KLF7: variants seen among roughly 807,000 people sequenced by gnomAD.
KLF7 encodes Krueppel-like factor 7.
Under a neutral mutation model 27.3 loss-of-function variants are expected in KLF7, and 2 were observed. The ratio of observed to expected loss-of-function variants is 0.07; its 90% confidence interval spans 0.03 to 0.23. The LOEUF is 0.23. Ranked by LOEUF, KLF7 falls within the 10% of genes least tolerant of loss-of-function variation. The pLI, the probability that KLF7 is intolerant of heterozygous loss-of-function variation, is 1.00. For missense variants in KLF7, 221 were observed against 394.1 expected (o/e 0.56, Z 3.72); for synonymous variants, 165 against 162.4 (o/e 1.02, Z -0.12).
At chr2:207,126,425 C>T (rs2077477773) in intron 1 of KLF7, among the ~76,000 whole-genome samples, 1 of 152,214 alleles carries the variant, frequency 6.6e-6, no homozygotes, top group Admixed American at 6.5e-5. Context: ...TTTGATCATT[C>T]TACCTCTTCT....
chr2:207,161,369 T>C (rs1489691038), intron 1 of KLF7, among the ~76,000 whole-genome samples: 2 of 152,212 alleles, frequency 1.3e-5, no homozygotes, highest in Non-Finnish European at 2.9e-5. Flanking sequence ...AAACAGTTAT[T>C]TTATCCTTTC....
At chr2:207,164,443 C>T (rs1344578540) in intron 1 of KLF7, among the ~76,000 whole-genome samples, 2 of 151,790 alleles carry the variant, frequency 1.3e-5, no homozygotes, top group African/African-American at 2.4e-5. Context: ...TTTAAATACC[C>T]GTGTCCCCCC....
chr2:207,158,816 T>C (rs2078460638), intron 1 of KLF7, among the ~76,000 whole-genome samples: 1 of 152,168 alleles, frequency 6.6e-6, no homozygotes, highest in African/African-American at 2.4e-5. Context: ...AAAAGGGAAT[T>C]TTCTTGCCTC....
intron 2 of KLF7, among the ~76,000 whole-genome samples, chr2:207,095,966 T>G (rs1193942940): frequency 1.3e-5 from 2 of 152,184 alleles, no homozygotes; most frequent in African/African-American, 4.8e-5. Flanking sequence ...ACATATGTGG[T>G]TTGCATATAT....
At chr2:207,163,343 C>T (rs2078603471) in intron 1 of KLF7, among the ~76,000 whole-genome samples, 1 of 151,948 alleles carries the variant, frequency 6.6e-6, no homozygotes, top group Admixed American at 6.6e-5. Context: ...GAGGGGGTTC[C>T]GAGGGGTGAA....
At chr2:207,092,072 T>C (rs916558124) in intron 2 of KLF7, among the ~76,000 whole-genome samples, 2 of 152,224 alleles carry the variant, frequency 1.3e-5, no homozygotes, top group African/African-American at 4.8e-5. Context: ...CTCTCCCTTC[T>C]TTCACTTTCC....
chr2:207,082,814 CTA>C (rs1210397607), intron 3 of KLF7, among the ~76,000 whole-genome samples: 1 of 152,186 alleles, frequency 6.6e-6, no homozygotes, highest in Non-Finnish European at 1.5e-5. Context: ...CAGGATTTCC[CTA>C]TGTTTGTTCA....
chr2:207,167,856 A>C (rs1462548584), upstream of KLF7, among the ~76,000 whole-genome samples: 4 of 152,246 alleles, frequency 2.6e-5, no homozygotes. Flanking sequence ...CACCTAGCAT[A>C]GTATCTGACA....
chr2:207,165,180 A>G (rs1426731154), intron 1 of KLF7, among the ~76,000 whole-genome samples: 3 of 151,996 alleles, frequency 2.0e-5, no homozygotes, highest in African/African-American at 7.3e-5. Flanking sequence ...CAGGTCTCTG[A>G]TAGGGGACAG....
chr2:207,160,764 G>A (rs1368572388), intron 1 of KLF7, among the ~76,000 whole-genome samples: 2 of 152,194 alleles, frequency 1.3e-5, no homozygotes, highest in Admixed American at 6.5e-5. Flanking sequence ...TTTAAGTAGA[G>A]AGGCAAATTA....
In KLF7 at chr2:207,156,494, A is replaced by T. The variant is rs75436125; in HGVS notation, c.102+8973T>A. Among the ~76,000 whole-genome samples the T allele has an allele frequency of 3.8e-3, 585 of 152,340 alleles. 4 individuals carry two copies. Among genetic ancestry groups the T allele is most frequent in the African/African-American group, 0.014 (569 of 41,572 alleles). On this transcript the variant is annotated intron_variant, in intron 1 of 3. Coordinates refer to ENST00000309446, the MANE Select transcript of KLF7 (RefSeq NM_003709.4). ...CCAACAGATGTACATGCATGCATCC[A>T]GCCCTTTCAAACCATGGAGCAGGCT...
chr2:207,096,409 C>T (rs745871181), intron 2 of KLF7, among the ~76,000 whole-genome samples: 4 of 152,176 alleles, frequency 2.6e-5, no homozygotes, highest in Admixed American at 6.5e-5. Context: ...ATGCAGATTC[C>T]GAGTTCCCAT....
At chr2:207,130,454 C>T (rs1039864513) in intron 1 of KLF7, among the ~76,000 whole-genome samples, 1 of 152,208 alleles carries the variant, frequency 6.6e-6, no homozygotes, top group African/African-American at 2.4e-5. Context: ...TTATACCATA[C>T]GTTCCTAAAC....
chr2:207,093,140 T>C (rs768500799), intron 2 of KLF7, among the ~76,000 whole-genome samples: 1 of 152,204 alleles, frequency 6.6e-6, no homozygotes, highest in Admixed American at 6.5e-5. Flanking sequence ...ATGGTCTCTT[T>C]GACATCCACT....
upstream of KLF7, among the ~76,000 whole-genome samples, chr2:207,168,296 C>T (rs2078758458): frequency 6.6e-6 from 1 of 152,150 alleles, no homozygotes; most frequent in Non-Finnish European, 1.5e-5. Context: ...AATAATAGTT[C>T]CCATTTATTA....
intron 2 of KLF7, among the ~76,000 whole-genome samples, chr2:207,094,769 T>A (rs562434727): frequency 1.3e-5 from 2 of 151,768 alleles, no homozygotes; most frequent in South Asian, 4.2e-4. Flanking sequence ...TCAGAGCCCC[T>A]CTTAGATTCC....
chr2:207,126,359 G>A (rs755428637), intron 1 of KLF7, among the ~76,000 whole-genome samples: 13 of 152,076 alleles, frequency 8.5e-5, no homozygotes, highest in Non-Finnish European at 1.8e-4. Context: ...CACAGTGCCT[G>A]GCACCTAACA....
At chr2:207,096,738 T>C (rs1392787909) in intron 2 of KLF7, among the ~76,000 whole-genome samples, 3 of 152,184 alleles carry the variant, frequency 2.0e-5, no homozygotes, top group East Asian at 1.9e-4. Context: ...GGGGCCACAT[T>C]TGACTTGTTC....
upstream of KLF7, chr2:207,166,183 G>A (rs754436938): frequency 3.0e-6 from 3 of 985,858 alleles, no homozygotes; most frequent in African/African-American, 3.5e-5. Flanking sequence ...ATTAGGCCGC[G>A]TGTGACCATG....
Sources: allele counts gnomAD v4.1 joint callset (sites outside exome capture counted in the v4.1 genomes callset), GRCh38; gene constraint gnomAD v4.1.1; transcripts MANE v1.5; gene names NCBI Gene and HGNC (gene_info 2026-07-23, HGNC 2026-07-21).